The following NDST4 variants were observed in gnomAD, a reference collection of about 807,000 sequenced individuals.
The protein encoded by NDST4 is N-heparan sulfate sulfotransferase 4.
NDST4 carries 63 observed loss-of-function variants against 100.8 expected under a neutral mutation model. That is an observed-to-expected ratio of 0.62 (90% CI 0.51 to 0.77). The LOEUF (loss-of-function observed/expected upper bound fraction) is 0.77. NDST4 is among the 30% of genes least tolerant of loss of function. NDST4 has a pLI of 0.00. For missense variants in NDST4, 943 were observed against 1,018.4 expected, an observed-to-expected ratio of 0.93 and a Z score of 1.01; for synonymous variants, 377 against 361.8, an observed-to-expected ratio of 1.04 and a Z score of -0.48.
At chr4:115,039,512 A>G (rs752678138) in intron 2 of NDST4, among the ~76,000 whole-genome samples, 7 of 152,158 alleles carry the variant, frequency 4.6e-5, no homozygotes, top group Non-Finnish European at 7.4e-5. Flanking sequence ...GATATAAAAG[A>G]TGTGTGTGCA....
chr4:114,855,700 G>A (rs1310328890), intron 7 of NDST4, among the ~76,000 whole-genome samples: 2 of 152,252 alleles, frequency 1.3e-5, no homozygotes, highest in East Asian at 3.9e-4. Flanking sequence ...TTGAAGTCAA[G>A]TAATGTGATT....
At chr4:115,027,952 T>C (rs28635347) in intron 2 of NDST4, among the ~76,000 whole-genome samples, 8,193 of 151,478 alleles carry the variant, frequency 0.054, 717 homozygotes, top group African/African-American at 0.19. Flanking sequence ...ACTCGAGAGG[T>C]TGAGGCAGGA....
At chr4:114,833,766 G>T in intron 11 of NDST4, 51 bp from the exon 12 acceptor site, 1 of 1,158,012 alleles carries the variant, frequency 8.6e-7, no homozygotes, top group Non-Finnish European at 1.3e-6. Flanking sequence ...AAATTGAATA[G>T]ACTGTGATGC....
chr4:114,919,138 T>C (rs1355332294), intron 6 of NDST4, among the ~76,000 whole-genome samples: 1 of 152,190 alleles, frequency 6.6e-6, no homozygotes, highest in Non-Finnish European at 1.5e-5. Flanking sequence ...TGAAGATATT[T>C]ATCCAACAAC....
At chr4:114,983,999 C>T (rs1195781707) in intron 2 of NDST4, among the ~76,000 whole-genome samples, 1 of 152,092 alleles carries the variant, frequency 6.6e-6, no homozygotes, top group Non-Finnish European at 1.5e-5. Flanking sequence ...TAAGATGTGC[C>T]TTGCTTCCCC....
chr4:114,848,439 T>C, intron 8 of NDST4, 101 bp from the exon 9 acceptor site: 2 of 909,534 alleles, frequency 2.2e-6, no homozygotes, highest in Non-Finnish European at 3.3e-6. Flanking sequence ...TAATCAACTA[T>C]TTCCAGTATC....
intron 6 of NDST4, among the ~76,000 whole-genome samples, chr4:114,911,618 A>T (rs900007499): frequency 5.3e-5 from 8 of 152,184 alleles, no homozygotes; most frequent in Admixed American, 4.6e-4. Flanking sequence ...GCAGAGAAAG[A>T]GGAATGACCA....
At chr4:115,097,503 A>G (rs964157576) in intron 1 of NDST4, among the ~76,000 whole-genome samples, 3 of 152,080 alleles carry the variant, frequency 2.0e-5, no homozygotes, top group Non-Finnish European at 4.4e-5. Flanking sequence ...CATCCCATCC[A>G]TTGGCTCTAC....
intron 6 of NDST4, among the ~76,000 whole-genome samples, chr4:114,878,245 G>A (rs2126199842): frequency 6.6e-6 from 1 of 152,242 alleles, no homozygotes; most frequent in Admixed American, 6.5e-5. Context: ...ATTGCTCCAT[G>A]TGACTTTCAG....
At chr4:115,067,751 TTTA>T (rs1448232091) in intron 2 of NDST4, among the ~76,000 whole-genome samples, 1 of 152,106 alleles carries the variant, frequency 6.6e-6, no homozygotes, top group African/African-American at 2.4e-5. Flanking sequence ...TTTTTCTTTT[TTTA>T]TTATTATACT....
chr4:114,938,722 G>A (rs759981452), intron 4 of NDST4, among the ~76,000 whole-genome samples: 1 of 152,162 alleles, frequency 6.6e-6, no homozygotes, highest in Non-Finnish European at 1.5e-5. Context: ...TTAGTCATAC[G>A]CTACACTCAG....
At chr4:114,865,090 A>G (rs1723998456) in intron 7 of NDST4, among the ~76,000 whole-genome samples, 1 of 147,348 alleles carries the variant, frequency 6.8e-6, no homozygotes, top group African/African-American at 2.6e-5. Context: ...TTTGAGACGG[A>G]GTCTCACTCC....
At chr4:115,041,469 A>G (rs1728350456) in intron 2 of NDST4, among the ~76,000 whole-genome samples, 1 of 152,072 alleles carries the variant, frequency 6.6e-6, no homozygotes, top group African/African-American at 2.4e-5. Flanking sequence ...TTGAAAAAAA[A>G]TCTCAATATT....
Position 115,027,533 on chromosome 4 carries a change from A to G in NDST4, c.978+48526T>C, listed in dbSNP as rs147300594. Among the ~76,000 whole-genome samples, 243 of 152,262 alleles carry G rather than the reference A, an allele frequency of 1.6e-3. 2 individuals carry two copies. The East Asian group carries it at 0.026, about 16-fold the overall frequency. The stretch of plus-strand genomic sequence containing the variant: ...GGATTCACAGGATTTATTTTAGAAT[A>G]AATTTTCTCAAACTGGTCTCTTGAT... On this transcript the variant is annotated intron_variant, in intron 2 of 13. Transcript: ENST00000264363.
At position 114,929,121 on chromosome 4, in the gene NDST4, T is replaced by C. The variant is rs143495879; in HGVS notation, c.1536+6085A>G. On this transcript the variant is annotated intron_variant, in intron 6 of 13. Transcript: ENST00000264363. ...CCATCCATCCATCCATCCATCTATC[T>C]ATCTATCTATCTATCTATCTATCTA... Among the ~76,000 whole-genome samples, 596 of 125,646 alleles carry C rather than the reference T, an allele frequency of 4.7e-3. 14 individuals carry two copies. In the South Asian group the frequency reaches 0.091, roughly 19 times the overall value. The allele number at this position is 125,646 out of a possible 152,430, so 82.4% of individuals were successfully genotyped here. A position where few individuals can be genotyped will look rare whatever the true frequency, so the allele number is the denominator to read the frequency against.
chr4:114,891,335 T>C (rs150526006), intron 6 of NDST4, among the ~76,000 whole-genome samples: 159 of 152,188 alleles, frequency 1.0e-3, no homozygotes, highest in African/African-American at 3.7e-3. Context: ...CCTTCAAGGC[T>C]AAAAATTTTA....
At chr4:114,895,243 C>G (rs1004581255) in intron 6 of NDST4, among the ~76,000 whole-genome samples, 2 of 151,736 alleles carry the variant, frequency 1.3e-5, no homozygotes, top group Non-Finnish European at 2.9e-5. Context: ...ACTGGCTATA[C>G]TAAGAAAGAA....
intron 6 of NDST4, 64 bp downstream of exon 6, chr4:114,935,142 C>T: frequency 8.0e-7 from 1 of 1,256,896 alleles, no homozygotes; most frequent in Non-Finnish European, 1.0e-6. Flanking sequence ...GTTTAAAAGA[C>T]AGGAAAATAA....
chr4:115,067,136 C>T (rs1292310962), intron 2 of NDST4, among the ~76,000 whole-genome samples: 2 of 152,198 alleles, frequency 1.3e-5, no homozygotes, highest in Non-Finnish European at 2.9e-5. Context: ...GGTCACCCAC[C>T]TAGAAACTGC....
Sources: gnomAD v4.1 joint callset for allele counts (sites outside exome capture counted in the v4.1 genomes callset) on GRCh38, gnomAD v4.1.1 for gene constraint, MANE v1.5 for transcripts, NCBI Gene and HGNC (gene_info 2026-07-23, HGNC 2026-07-21) for gene names.